The following PRKG1 variants were observed in gnomAD, a reference collection of about 807,000 sequenced individuals.
The protein encoded by PRKG1 is cGMP-dependent protein kinase 1.
A neutral mutation model predicts 88.1 loss-of-function variants in PRKG1; 35 were observed. The ratio of observed to expected loss-of-function variants is 0.40; its 90% CI spans 0.30 to 0.53. The LOEUF (loss-of-function observed/expected upper bound fraction) is 0.53. Among genes scored for constraint, PRKG1 ranks in the 20% least tolerant of loss-of-function variants. The pLI, the probability that PRKG1 is intolerant of heterozygous loss-of-function variation, is 0.59. For missense variants in PRKG1, 540 were observed against 839.8 expected, an observed-to-expected ratio of 0.64 and a Z score of 4.41; for synonymous variants, 303 against 292.5, an observed-to-expected ratio of 1.04 and a Z score of -0.37.
At chr10:52,157,306 G>GAGATATATATATATATATATAT (rs1289803162) in intron 8 of PRKG1, among the ~76,000 whole-genome samples, 29 of 125,900 alleles carry the variant, frequency 2.3e-4, no homozygotes, top group South Asian at 5.0e-4. Flanking sequence ...TGAGTTAGTT[G>GAGATATATATATATATATATAT]ATATATATAT....
In PRKG1 at chr10:50,991,747, C is replaced by A; in HGVS notation, c.266+103C>A. On this transcript the variant is annotated intron_variant, in intron 1 of 17. Transcript: ENST00000401604. The surrounding 1 kb of genome is among the most constrained non-coding windows in gnomAD (Gnocchi z 4.5). ...GGGGCGGGTCGGCCCAGGGCGCCCCCTGCTCGCTGCGGCGCGCGGAGTGGG... is the reference window on the plus strand; with the variant it reads ...GGGGCGGGTCGGCCCAGGGCGCCCCATGCTCGCTGCGGCGCGCGGAGTGGG... The A allele has an allele frequency of 1.1e-6, 1 of 913,288 alleles. No individual in the cohort carries two copies. The highest frequency in any genetic ancestry group is 1.3e-6 in the Non-Finnish European group (1 of 749,112). 56.6% of individuals were successfully genotyped at this position (913,288 alleles called of 1,614,324 possible).
In PRKG1 at chr10:51,688,577, T is replaced by TC. The variant is rs1296682050; in HGVS notation, c.593-116008_593-116007insC. 1.8e-4 allele frequency among the ~76,000 whole-genome samples: 27 copies of TC among 151,388 alleles called. 2 individuals carry two copies. The highest frequency in any genetic ancestry group is 1.8e-3 in the Admixed American group (27 of 15,174). ...GCCAGTAACAATCCTTTTTTTTTTTTTTTTTTTTAGTGAAACAAGGATTTG... is the reference window on the plus strand; with the variant it reads ...GCCAGTAACAATCCTTTTTTTTTTTTCTTTTTTTTAGTGAAACAAGGATTTG... On this transcript the variant is annotated intron_variant, in intron 3 of 17. Transcript: ENST00000373980.
intron 9 of PRKG1, among the ~76,000 whole-genome samples, chr10:52,238,866 G>A (rs1156595313): frequency 2.0e-5 from 3 of 149,088 alleles, no homozygotes; most frequent in Non-Finnish European, 4.4e-5. Flanking sequence ...AAAGACACAT[G>A]CACACATATG....
chr10:51,788,247 T>C (rs549213720), intron 3 of PRKG1, among the ~76,000 whole-genome samples: 1 of 152,312 alleles, frequency 6.6e-6, no homozygotes, highest in Non-Finnish European at 1.5e-5. Flanking sequence ...TGCATAATCA[T>C]ACAATCAACC....
At chr10:51,592,061 A>G (rs1200905744) in intron 3 of PRKG1, among the ~76,000 whole-genome samples, 1 of 152,198 alleles carries the variant, frequency 6.6e-6, no homozygotes, top group Admixed American at 6.5e-5. Context: ...TTCCAGAAGG[A>G]CACTCTGCAA....
chr10:51,160,647 C>T (rs993103480), intron 2 of PRKG1, among the ~76,000 whole-genome samples: 1 of 152,094 alleles, frequency 6.6e-6, no homozygotes, highest in Non-Finnish European at 1.5e-5. Flanking sequence ...AATGGTACCT[C>T]GTGATCTTAA....
rs566005202 is a variant in PRKG1, at chr10:52,297,512, G to A, written c.*3612G>A. Reference sequence around the variant, plus strand: ...TAAGCCTTTATTATATAATATTGATGAATTACAGAAATGATGAAGTTGTTC... The same window carrying A: ...TAAGCCTTTATTATATAATATTGATAAATTACAGAAATGATGAAGTTGTTC... On this transcript the variant is annotated 3_prime_UTR_variant, in exon 18 of 18. Transcript: ENST00000373980. 1 of 152,228 alleles carries A rather than the reference G, an allele frequency of 6.6e-6. No individual in the cohort carries two copies. The highest frequency in any genetic ancestry group is 2.1e-4 in the South Asian group (1 of 4,820). 9.4% of individuals were successfully genotyped at this position (152,228 alleles called of 1,614,324 possible).
chr10:51,873,460 G>A (rs1481333318), intron 4 of PRKG1, among the ~76,000 whole-genome samples: 1 of 151,082 alleles, frequency 6.6e-6, no homozygotes, highest in Non-Finnish European at 1.5e-5. Context: ...TTATCCACCT[G>A]TCTATCTAAT....
intron 8 of PRKG1, among the ~76,000 whole-genome samples, chr10:52,134,305 TA>T (rs1424384102): frequency 2.6e-4 from 40 of 152,326 alleles, no homozygotes; most frequent in Admixed American, 8.5e-4. Flanking sequence ...AGAAATGGGT[TA>T]TTTTTTTAGT....
At chr10:51,998,401 C>T (rs763453838) in intron 5 of PRKG1, among the ~76,000 whole-genome samples, 2 of 152,148 alleles carry the variant, frequency 1.3e-5, no homozygotes, top group Non-Finnish European at 2.9e-5. Context: ...TAGGCTGAAA[C>T]ACTCTAAATG....
intron 2 of PRKG1, among the ~76,000 whole-genome samples, chr10:51,376,831 C>A (rs546321167): frequency 6.6e-6 from 1 of 152,090 alleles, no homozygotes; most frequent in Non-Finnish European, 1.5e-5. Context: ...CCTGCCACAA[C>A]GCTCAGCTAA....
At chr10:51,501,307 T>C (rs1402354368) in intron 3 of PRKG1, among the ~76,000 whole-genome samples, 1 of 152,140 alleles carries the variant, frequency 6.6e-6, no homozygotes, top group Non-Finnish European at 1.5e-5. Context: ...ACCAGATAAA[T>C]TATATTTTTG....
intron 5 of PRKG1, among the ~76,000 whole-genome samples, chr10:52,039,304 C>G (rs1845697394): frequency 6.6e-6 from 1 of 151,720 alleles, no homozygotes; most frequent in African/African-American, 2.4e-5. Flanking sequence ...TGGCAGGCAG[C>G]AGTGGGGGTC....
At chr10:51,558,725 G>C (rs1384520406) in intron 3 of PRKG1, among the ~76,000 whole-genome samples, 3 of 152,096 alleles carry the variant, frequency 2.0e-5, no homozygotes, top group African/African-American at 7.2e-5. Context: ...AGAGACAACA[G>C]CTGAAATGAA....
chr10:51,334,905 G>A (rs527690676), intron 2 of PRKG1, among the ~76,000 whole-genome samples: 6 of 150,022 alleles, frequency 4.0e-5, no homozygotes, highest in African/African-American at 1.5e-4. Context: ...ATGTCTAGAT[G>A]TTTGCCTTTT....
At chr10:51,552,309 A>G (rs1436478522) in intron 3 of PRKG1, among the ~76,000 whole-genome samples, 1 of 151,704 alleles carries the variant, frequency 6.6e-6, no homozygotes, top group Non-Finnish European at 1.5e-5. Context: ...TCTATTTAGT[A>G]TACATTTAGC....
At chr10:52,286,393 C>T (rs771134570) in intron 14 of PRKG1, among the ~76,000 whole-genome samples, 8 of 151,934 alleles carry the variant, frequency 5.3e-5, no homozygotes, top group South Asian at 4.2e-4. Flanking sequence ...GGACCCCAGG[C>T]CTTTCTCAAA....
chr10:51,770,618 C>T (rs1043959402), intron 3 of PRKG1, among the ~76,000 whole-genome samples: 3 of 152,230 alleles, frequency 2.0e-5, no homozygotes, highest in South Asian at 2.1e-4. Flanking sequence ...GTCAGATCAG[C>T]GGAAGCATTA....
At chr10:51,071,295 T>C (rs1157533578), upstream of PRKG1, among the ~76,000 whole-genome samples, 1 of 152,306 alleles carries the variant, frequency 6.6e-6, no homozygotes, top group East Asian at 1.9e-4. Flanking sequence ...GTCAAAAGCA[T>C]CATTGAAAAA....
Sources: allele counts gnomAD v4.1 joint callset (sites outside exome capture counted in the v4.1 genomes callset), GRCh38; gene constraint gnomAD v4.1.1; non-coding constraint Gnocchi (gnomAD v3.1); transcripts MANE v1.5; gene names NCBI Gene and HGNC (gene_info 2026-07-23, HGNC 2026-07-21).